NCAM2: variants seen among roughly 807,000 people sequenced by gnomAD.
The protein encoded by NCAM2 is N-CAM-2.
Under a neutral mutation model 98.1 loss-of-function variants are expected in NCAM2, and 30 were observed. The ratio of observed to expected loss-of-function variants is 0.31; its 90% CI spans 0.23 to 0.41. The LOEUF (loss-of-function observed/expected upper bound fraction) is 0.41, where lower values mean the gene tolerates loss of function less well. Ranked by LOEUF, NCAM2 falls within the 10% of genes least tolerant of loss-of-function variation. The pLI, the probability that NCAM2 is intolerant of heterozygous loss-of-function variation, is 1.00. For synonymous variants in NCAM2, 368 were observed against 342.4 expected (o/e 1.07, Z -0.83); for missense variants, 867 against 1,005.8 (o/e 0.86, Z 1.87).
chr21:21,425,312 A>C (rs1389331877), intron 11 of NCAM2, among the ~76,000 whole-genome samples: 1 of 152,108 alleles, frequency 6.6e-6, no homozygotes, highest in Non-Finnish European at 1.5e-5. Context: ...AAATATCTAA[A>C]ATATATAAAT....
At chr21:21,264,959 G>GTATATATACACATATATTATATA (rs1568854799) in intron 1 of NCAM2, among the ~76,000 whole-genome samples, 1 of 91,630 alleles carries the variant, frequency 1.1e-5, no homozygotes, top group Non-Finnish European at 2.1e-5. Context: ...ATATGTGTAT[G>GTATATATACACATATATTATATA]TGTATATATA....
chr21:21,263,471 T>C (rs552493209), intron 1 of NCAM2, among the ~76,000 whole-genome samples: 1 of 152,140 alleles, frequency 6.6e-6, no homozygotes, highest in Middle Eastern at 3.4e-3. Context: ...GAAATTCATA[T>C]AAAATTACCA....
At chr21:21,332,246 T>C (rs1226225663) in intron 6 of NCAM2, among the ~76,000 whole-genome samples, 1 of 152,068 alleles carries the variant, frequency 6.6e-6, no homozygotes, top group Non-Finnish European at 1.5e-5. Context: ...CAGAATTTTG[T>C]GTTTTGGGGT....
chr21:21,313,254 G>C (rs2074114886), intron 5 of NCAM2, among the ~76,000 whole-genome samples: 1 of 151,376 alleles, frequency 6.6e-6, no homozygotes, highest in African/African-American at 2.4e-5. Flanking sequence ...TCTTCCTCCT[G>C]CTTAATTTTT....
At chr21:21,165,776 G>C (rs1409795091) in intron 1 of NCAM2, among the ~76,000 whole-genome samples, 1 of 152,114 alleles carries the variant, frequency 6.6e-6, no homozygotes, top group African/African-American at 2.4e-5. Context: ...AATTACAGGT[G>C]TATTTTCCCT....
rs1166321536 is a variant in NCAM2 at position 21,541,502 on chromosome 21, A to G, written c.*3545A>G. On this transcript the variant is annotated 3_prime_UTR_variant, in exon 18 of 18. Coordinates refer to ENST00000400546, the MANE Select transcript of NCAM2 (RefSeq NM_004540.5). ...TTTCTAAACAATAAATACATTCTAGATATTGTTGAAATTAAATTTTGCCAG... is the reference window on the plus strand; with the variant it reads ...TTTCTAAACAATAAATACATTCTAGGTATTGTTGAAATTAAATTTTGCCAG... 1 of 151,770 alleles carries G rather than the reference A, an allele frequency of 6.6e-6. No homozygotes were observed. Among genetic ancestry groups the G allele is most frequent in the Non-Finnish European group, 1.5e-5 (1 of 67,778 alleles). 9.4% of individuals were successfully genotyped at this position (151,770 alleles called of 1,614,324 possible).
rs569432588 is a variant in NCAM2 at position 21,143,847 on chromosome 21, T to C, written c.56-136731T>C. Among the ~76,000 whole-genome samples the C allele has an allele frequency of 3.3e-5, 5 of 151,926 alleles. No individual in the cohort carries two copies. In the South Asian group the frequency reaches 1.0e-3, roughly 32 times the overall value. Reference sequence around the variant, plus strand: ...CAGCAGTTATTTGTATTTATTTGTTTTTTAAGATAACTTTCTACTCATATT... The same window carrying C: ...CAGCAGTTATTTGTATTTATTTGTTCTTTAAGATAACTTTCTACTCATATT... On this transcript the variant is annotated intron_variant, in intron 1 of 17. Coordinates refer to ENST00000400546, the MANE Select transcript of NCAM2 (RefSeq NM_004540.5).
intron 1 of NCAM2, among the ~76,000 whole-genome samples, chr21:21,168,104 T>C (rs1048438540): frequency 6.6e-5 from 10 of 152,130 alleles, no homozygotes; most frequent in Admixed American, 1.3e-4. Context: ...ATATTTTTAC[T>C]TTACAACCGA....
At chr21:21,434,375 A>G (rs1288736265) in intron 12 of NCAM2, among the ~76,000 whole-genome samples, 1 of 152,220 alleles carries the variant, frequency 6.6e-6, no homozygotes, top group Non-Finnish European at 1.5e-5. Flanking sequence ...TGCGAATGAG[A>G]ATAAAATACT....
chr21:21,426,635 C>T (rs1480581269), intron 11 of NCAM2, among the ~76,000 whole-genome samples: 2 of 152,136 alleles, frequency 1.3e-5, no homozygotes, highest in Admixed American at 1.3e-4. Flanking sequence ...TAATCACAGC[C>T]ACACCACTCC....
At chr21:21,169,499 G>A (rs1412609315) in intron 1 of NCAM2, among the ~76,000 whole-genome samples, 1 of 152,142 alleles carries the variant, frequency 6.6e-6, no homozygotes, top group Non-Finnish European at 1.5e-5. Flanking sequence ...AGAATGAGAA[G>A]TGAAGCCACA....
At chr21:21,315,621 C>T (rs1027283774) in intron 5 of NCAM2, among the ~76,000 whole-genome samples, 9 of 152,286 alleles carry the variant, frequency 5.9e-5, no homozygotes, top group African/African-American at 2.2e-4. Flanking sequence ...AGATTTCCTT[C>T]CTGCTTCCTG....
Position 21,392,765 on chromosome 21 carries a change from G to A in NCAM2, c.1196-17509G>A, listed in dbSNP as rs561890093. ...GTATGTCCTCTTTTGAGAAGTGTCT[G>A]TTCATGTTCTTTGCCCACTTTTTAA... On this transcript the variant is annotated intron_variant, in intron 9 of 17. Transcript: ENST00000400546. 2.3e-4 allele frequency among the ~76,000 whole-genome samples: 35 copies of A among 152,252 alleles called. 1 individual carries two copies. The South Asian group carries it at 7.0e-3, about 31-fold the overall frequency.
chr21:21,436,211 G>T (rs1022503595), intron 12 of NCAM2, among the ~76,000 whole-genome samples: 1 of 152,112 alleles, frequency 6.6e-6, no homozygotes, highest in Non-Finnish European at 1.5e-5. Context: ...TGACTGAAAC[G>T]TTCTACTTTA....
chr21:21,041,227 T>C (rs1039190540), intron 1 of NCAM2, among the ~76,000 whole-genome samples: 1 of 152,154 alleles, frequency 6.6e-6, no homozygotes, highest in African/African-American at 2.4e-5. Context: ...AATAAGATCA[T>C]TTCTCTGTAA....
chr21:21,116,646 A>C (rs1054216233), intron 1 of NCAM2, among the ~76,000 whole-genome samples: 6 of 152,158 alleles, frequency 3.9e-5, no homozygotes, highest in African/African-American at 1.2e-4. Context: ...CGAGGTCAGG[A>C]GATTGAGACC....
At chr21:21,119,416 G>T (rs2066627113) in intron 1 of NCAM2, among the ~76,000 whole-genome samples, 1 of 152,098 alleles carries the variant, frequency 6.6e-6, no homozygotes, top group Non-Finnish European at 1.5e-5. Flanking sequence ...TTTAATGAAG[G>T]ATTTTTTGCT....
intron 1 of NCAM2, among the ~76,000 whole-genome samples, chr21:21,097,409 A>C (rs2146472747): frequency 6.6e-6 from 1 of 151,844 alleles, no homozygotes; most frequent in East Asian, 1.9e-4. Context: ...TGCATTTTAG[A>C]ACTGCAAAAT....
At chr21:21,039,338 A>G (rs1197625927) in intron 1 of NCAM2, among the ~76,000 whole-genome samples, 1 of 152,160 alleles carries the variant, frequency 6.6e-6, no homozygotes, top group Non-Finnish European at 1.5e-5. Context: ...ATATCCCTTA[A>G]TAATCCACCA....
Sources: allele counts gnomAD v4.1 joint callset (sites outside exome capture counted in the v4.1 genomes callset), GRCh38; gene constraint gnomAD v4.1.1; transcripts MANE v1.5; gene names NCBI Gene and HGNC (gene_info 2026-07-23, HGNC 2026-07-21).